ARHGAP12: variants seen among roughly 807,000 people sequenced by gnomAD.
ARHGAP12 encodes the protein Rho GTPase activating protein 12.
Under a neutral mutation model 108.6 loss-of-function variants are expected in ARHGAP12, and 64 were observed. The ratio of observed to expected loss-of-function variants is 0.59; its 90% CI spans 0.48 to 0.73. The LOEUF is 0.73. ARHGAP12 is among the 30% of genes least tolerant of loss of function. The pLI, the probability that ARHGAP12 is intolerant of heterozygous loss-of-function variation, is 0.00. For synonymous variants in ARHGAP12, 312 were observed against 337.2 expected (o/e 0.93, Z 0.82); for missense variants, 940 against 1,005.9 (o/e 0.93, Z 0.89).
At chr10:31,920,794 C>T (rs1428398488) in intron 1 of ARHGAP12, among the ~76,000 whole-genome samples, 1 of 152,112 alleles carries the variant, frequency 6.6e-6, no homozygotes, top group East Asian at 1.9e-4. Flanking sequence ...TTCTTACAAA[C>T]CTAAGTTCCT....
intron 3 of ARHGAP12, among the ~76,000 whole-genome samples, chr10:31,871,292 G>GTA (rs1371540000): frequency 1.3e-5 from 2 of 152,108 alleles, no homozygotes; most frequent in African/African-American, 4.8e-5. Context: ...CGTTATCATG[G>GTA]TATCTTTAAT....
chr10:31,833,124 G>A (rs575536188), intron 9 of ARHGAP12, among the ~76,000 whole-genome samples: 30 of 151,710 alleles, frequency 2.0e-4, no homozygotes, highest in Non-Finnish European at 3.8e-4. Flanking sequence ...CAAGGCAGCT[G>A]CATAAGATGT....
At chr10:31,851,352 A>G (rs939280078) in intron 6 of ARHGAP12, among the ~76,000 whole-genome samples, 13 of 152,228 alleles carry the variant, frequency 8.5e-5, no homozygotes, top group Non-Finnish European at 1.3e-4. Context: ...CAAGTTTTTT[A>G]AACTACAAGA....
At chr10:31,866,906 A>G (rs935051746) in intron 3 of ARHGAP12, among the ~76,000 whole-genome samples, 16 of 152,180 alleles carry the variant, frequency 1.1e-4, no homozygotes, top group African/African-American at 3.9e-4. Flanking sequence ...GGCGTGAGCC[A>G]CCGTGCCCAG....
intron 3 of ARHGAP12, among the ~76,000 whole-genome samples, chr10:31,871,599 A>G (rs1004494266): frequency 2.6e-5 from 4 of 152,220 alleles, no homozygotes; most frequent in Admixed American, 6.5e-5. Flanking sequence ...AAAAGCTGTA[A>G]TGTCTGACAA....
chr10:31,817,485 T>C (rs1015199321), intron 13 of ARHGAP12, among the ~76,000 whole-genome samples: 1 of 152,202 alleles, frequency 6.6e-6, no homozygotes, highest in Non-Finnish European at 1.5e-5. Flanking sequence ...CATTCAGTTA[T>C]TGAATAAATA....
At chr10:31,844,583 G>C (rs114706791) in intron 6 of ARHGAP12, among the ~76,000 whole-genome samples, 2,200 of 152,192 alleles carry the variant, frequency 0.014, 57 homozygotes, top group African/African-American at 0.051. Flanking sequence ...ACCCAGGCTG[G>C]AGCGCAGTGG....
intron 16 of ARHGAP12, among the ~76,000 whole-genome samples, chr10:31,810,329 T>C (rs907892138): frequency 6.6e-6 from 1 of 152,156 alleles, no homozygotes; most frequent in Admixed American, 6.6e-5. Flanking sequence ...TGTCAAATTA[T>C]TTCTTAAAAA....
At chr10:31,869,871 A>C (rs1360408446) in intron 3 of ARHGAP12, among the ~76,000 whole-genome samples, 1 of 152,228 alleles carries the variant, frequency 6.6e-6, no homozygotes, top group African/African-American at 2.4e-5. Flanking sequence ...ACATTAGTTC[A>C]GAATTGCTTC....
chr10:31,899,296 A>G (rs1838829641), intron 3 of ARHGAP12, among the ~76,000 whole-genome samples: 2 of 152,264 alleles, frequency 1.3e-5, no homozygotes, highest in African/African-American at 4.8e-5. Flanking sequence ...TATAGTGTTA[A>G]GATGTCAATT....
At chr10:31,867,423 C>T (rs1488946770) in intron 3 of ARHGAP12, among the ~76,000 whole-genome samples, 1 of 152,142 alleles carries the variant, frequency 6.6e-6, no homozygotes, top group Non-Finnish European at 1.5e-5. Flanking sequence ...TTTCCTCAAG[C>T]TTGAAAATAT....
chr10:31,817,707 A>C, intron 13 of ARHGAP12, 81 bp downstream of exon 13: 12 of 882,686 alleles, frequency 1.4e-5, no homozygotes, highest in Non-Finnish European at 1.7e-5. Flanking sequence ...ATAGATTGCA[A>C]TCCGGATATC....
intron 3 of ARHGAP12, among the ~76,000 whole-genome samples, chr10:31,870,307 G>A (rs899594587): frequency 1.3e-5 from 2 of 148,374 alleles, no homozygotes; most frequent in African/African-American, 5.0e-5. Context: ...TCAGCTCACT[G>A]CAACCTCCGC....
At chr10:31,814,459 C>G in intron 13 of ARHGAP12, 98 bp from the exon 14 acceptor site, 1 of 1,004,718 alleles carries the variant, frequency 1.0e-6, no homozygotes, top group Non-Finnish European at 1.5e-6. Context: ...ATGACTCTTC[C>G]AAACAATTTT....
At chr10:31,820,358 T>C (rs1452714861) in intron 12 of ARHGAP12, 29 bp downstream of exon 12, 1 of 1,524,032 alleles carries the variant, frequency 6.6e-7, no homozygotes, top group Non-Finnish European at 8.9e-7. Flanking sequence ...CAGTTTAGAA[T>C]GTGTTATACT....
chr10:31,828,611 A>G (rs1436776888), intron 10 of ARHGAP12, among the ~76,000 whole-genome samples: 1 of 152,200 alleles, frequency 6.6e-6, no homozygotes, highest in South Asian at 2.1e-4. Context: ...GAGAACAAAT[A>G]TTGAATACAT....
At chr10:31,905,563 G>A (rs1004867255) in intron 3 of ARHGAP12, among the ~76,000 whole-genome samples, 1 of 152,106 alleles carries the variant, frequency 6.6e-6, no homozygotes, top group Non-Finnish European at 1.5e-5. Context: ...GCCGATAAAG[G>A]TAAAGGAAGA....
intron 10 of ARHGAP12, among the ~76,000 whole-genome samples, chr10:31,827,803 A>G (rs1564374282): frequency 6.7e-6 from 1 of 149,528 alleles, no homozygotes; most frequent in South Asian, 2.1e-4. Context: ...AGAAAAAAAA[A>G]CAAAAACAAA....
chr10:31,841,106 A>G (rs1331823662), intron 7 of ARHGAP12, among the ~76,000 whole-genome samples: 1 of 152,140 alleles, frequency 6.6e-6, no homozygotes, highest in Non-Finnish European at 1.5e-5. Flanking sequence ...AACCACAAAT[A>G]CAGTAATAAC....
Sources: gnomAD v4.1 joint callset for allele counts (sites outside exome capture counted in the v4.1 genomes callset) on GRCh38, gnomAD v4.1.1 for gene constraint, MANE v1.5 for transcripts, NCBI Gene and HGNC (gene_info 2026-07-23, HGNC 2026-07-21) for gene names.